RBFOX1: variants seen among roughly 807,000 people sequenced by gnomAD.
RBFOX1 encodes RNA binding fox-1 homolog 1, also known as RNA binding protein fox-1 homolog 1.
Under a neutral mutation model 57.7 loss-of-function variants are expected in RBFOX1, and 8 were observed. That is an observed-to-expected ratio of 0.14 (90% CI 0.08 to 0.25). The LOEUF (loss-of-function observed/expected upper bound fraction) is 0.25, where lower values mean the gene tolerates loss of function less well. RBFOX1 is among the 10% of genes least tolerant of loss of function. RBFOX1 has a pLI of 1.00. For missense variants in RBFOX1, 611 were observed against 548.5 expected (o/e 1.11, Z -1.14); for synonymous variants, 326 against 222.4 (o/e 1.47, Z -4.15).
intron 2 of RBFOX1, among the ~76,000 whole-genome samples, chr16:6,636,518 T>C (rs528298790): frequency 6.6e-6 from 1 of 152,028 alleles, no homozygotes; most frequent in East Asian, 1.9e-4. Context: ...ATAACAATAT[T>C]AAAAAATTAT....
chr16:5,620,487 C>A (rs1465006859), intron 3 of RBFOX1, among the ~76,000 whole-genome samples: 1 of 152,134 alleles, frequency 6.6e-6, no homozygotes, highest in South Asian at 2.1e-4. Flanking sequence ...TCTCATAGTT[C>A]TGGAGGCCAG....
At chr16:5,834,164 G>A (rs1036485299) in intron 3 of RBFOX1, among the ~76,000 whole-genome samples, 6 of 152,080 alleles carry the variant, frequency 3.9e-5, no homozygotes, top group African/African-American at 1.4e-4. Flanking sequence ...CGTGGTTTTT[G>A]GTTACATGGA....
At chr16:6,992,117 C>T (rs1009173558) in intron 3 of RBFOX1, among the ~76,000 whole-genome samples, 2 of 151,982 alleles carry the variant, frequency 1.3e-5, no homozygotes, top group African/African-American at 4.8e-5. Flanking sequence ...GTAGCTGTCT[C>T]TTCCTTTCCA....
chr16:6,768,153 T>A (rs912037078), intron 3 of RBFOX1, among the ~76,000 whole-genome samples: 2 of 151,584 alleles, frequency 1.3e-5, no homozygotes, highest in Non-Finnish European at 2.9e-5. Flanking sequence ...GCAGAGATTG[T>A]AACACTGCAC....
At chr16:5,354,232 C>G (rs1020973845) in intron 1 of RBFOX1, among the ~76,000 whole-genome samples, 2 of 152,172 alleles carry the variant, frequency 1.3e-5, no homozygotes, top group Non-Finnish European at 2.9e-5. Context: ...GTGGGTGAGT[C>G]TCTCTGGTCT....
chr16:6,818,667 C>T (rs543332748), intron 3 of RBFOX1, among the ~76,000 whole-genome samples: 2 of 152,272 alleles, frequency 1.3e-5, no homozygotes, highest in East Asian at 3.9e-4. Context: ...CCCCCTTCTT[C>T]TGGTAAAGCC....
chr16:7,631,308 C>A (rs759759798), intron 11 of RBFOX1, among the ~76,000 whole-genome samples: 4 of 152,206 alleles, frequency 2.6e-5, no homozygotes, highest in East Asian at 1.9e-4. Context: ...CCATCCAGTG[C>A]GGGAGGGAAG....
intron 1 of RBFOX1, among the ~76,000 whole-genome samples, chr16:5,319,344 C>T (rs2064335136): frequency 6.6e-6 from 1 of 152,156 alleles, no homozygotes; most frequent in African/African-American, 2.4e-5. Flanking sequence ...AGTCACTGCC[C>T]TTGGAGTTTG....
intron 2 of RBFOX1, among the ~76,000 whole-genome samples, chr16:6,593,618 G>A (rs901729336): frequency 3.9e-5 from 6 of 152,104 alleles, no homozygotes; most frequent in Admixed American, 3.3e-4. Flanking sequence ...TTCAAATTAT[G>A]CTGGTAATGT....
chr16:7,584,842 C>T (rs2152875802), intron 6 of RBFOX1, among the ~76,000 whole-genome samples: 1 of 152,280 alleles, frequency 6.6e-6, no homozygotes, highest in South Asian at 2.1e-4. Flanking sequence ...CTTCTTTGGG[C>T]TTGTTTCACC....
rs576177994 is a variant in RBFOX1 at position 7,624,856 on chromosome 16, C to G, written c.677-5747C>G. Among the ~76,000 whole-genome samples the G allele has an allele frequency of 2.7e-4, 41 of 152,202 alleles. No individual in the cohort carries two copies. The East Asian group carries it at 7.2e-3, about 27-fold the overall frequency. ...TACGGTTCTGATGACTGGAGAAATG[C>G]CAAGGTTGTTGGTTTTGCGCCGATT... is the stretch of plus-strand genomic sequence containing the variant. On this transcript the variant is annotated intron_variant, in intron 10 of 15. Transcript: ENST00000550418.
intron 1 of RBFOX1, among the ~76,000 whole-genome samples, chr16:6,032,202 A>G (rs1394423996): frequency 6.6e-6 from 1 of 152,092 alleles, no homozygotes; most frequent in Non-Finnish European, 1.5e-5. Context: ...TGGTCTTGGA[A>G]CAAGAAACAT....
rs150097560 is a variant in RBFOX1, at chr16:5,570,497, G to A, written c.259-28405G>A. 4.6e-3 allele frequency among the ~76,000 whole-genome samples: 693 copies of A among 152,220 alleles called. 3 individuals are homozygous for A. The highest frequency in any genetic ancestry group is 6.6e-3 in the Non-Finnish European group (449 of 68,004). Reference sequence around the variant, plus strand: ...ATTTGAGCATTCTGGGTGCTTAACAGCTGGTCAGGTCAGGTCAGCCTCTGA... The same window carrying A: ...ATTTGAGCATTCTGGGTGCTTAACAACTGGTCAGGTCAGGTCAGCCTCTGA... On this transcript the variant is annotated intron_variant, in intron 2 of 2. Coordinates refer to the RBFOX1 transcript ENST00000585867.
intron 7 of RBFOX1, among the ~76,000 whole-genome samples, chr16:7,594,126 GC>G (rs1022068452): frequency 3.4e-5 from 5 of 145,036 alleles, no homozygotes; most frequent in African/African-American, 1.3e-4. Context: ...CCCTCCCCCA[GC>G]CCCCCACCCC....
intron 4 of RBFOX1, among the ~76,000 whole-genome samples, chr16:7,247,438 C>T (rs1333246373): frequency 6.6e-6 from 1 of 152,044 alleles, no homozygotes; most frequent in Non-Finnish European, 1.5e-5. Context: ...AAGAGTTGTG[C>T]AAGATAATGA....
intron 4 of RBFOX1, among the ~76,000 whole-genome samples, chr16:7,317,677 C>T (rs2142997026): frequency 6.6e-6 from 1 of 152,244 alleles, no homozygotes; most frequent in Middle Eastern, 3.4e-3. Context: ...TGCCTCCAGC[C>T]ACAGGAGTAC....
At chr16:6,874,475 C>T (rs1473257672) in intron 3 of RBFOX1, among the ~76,000 whole-genome samples, 1 of 137,642 alleles carries the variant, frequency 7.3e-6, no homozygotes, top group Non-Finnish European at 1.5e-5. Flanking sequence ...CATGCCACTG[C>T]ACTCCAGGCT....
At chr16:6,817,532 TAAA>T (rs71145302) in intron 3 of RBFOX1, among the ~76,000 whole-genome samples, 211 of 127,560 alleles carry the variant, frequency 1.7e-3, no homozygotes, top group Admixed American at 1.9e-3. Flanking sequence ...TTTCTTTGCT[TAAA>T]AAAAAAAAAA....
intron 2 of RBFOX1, among the ~76,000 whole-genome samples, chr16:6,642,186 C>G (rs1000338831): frequency 6.6e-6 from 1 of 152,204 alleles, no homozygotes; most frequent in Admixed American, 6.5e-5. Context: ...CTCGTACTTT[C>G]TCTTCGGTGC....
Sources: allele counts gnomAD v4.1 joint callset (sites outside exome capture counted in the v4.1 genomes callset), GRCh38; gene constraint gnomAD v4.1.1; transcripts MANE v1.5; gene names NCBI Gene and HGNC (gene_info 2026-07-23, HGNC 2026-07-21).